Variants in DOCK4 observed in about 807,000 individuals in gnomAD.
DOCK4 encodes dedicator of cytokinesis 4.
Under a neutral mutation model 268.1 loss-of-function variants are expected in DOCK4, and 97 were observed. The ratio of observed to expected loss-of-function variants is 0.36; its 90% CI spans 0.31 to 0.43. The LOEUF is 0.43. Among genes scored for constraint, DOCK4 ranks in the 20% least tolerant of loss-of-function variants. DOCK4 has a pLI of 1.00. For synonymous variants in DOCK4, 954 were observed against 887.2 expected, an observed-to-expected ratio of 1.08 and a Z score of -1.34; for missense variants, 2,145 against 2,455.7, an observed-to-expected ratio of 0.87 and a Z score of 2.67.
At chr7:111,865,978 C>T (rs1280376106) in intron 22 of DOCK4, among the ~76,000 whole-genome samples, 1 of 152,228 alleles carries the variant, frequency 6.6e-6, no homozygotes, top group East Asian at 1.9e-4. Context: ...CATTTCCAGA[C>T]CTCCAGATAA....
At chr7:112,197,575 T>C (rs17159353) in intron 1 of DOCK4, among the ~76,000 whole-genome samples, 8,720 of 152,298 alleles carry the variant, frequency 0.057, 347 homozygotes, top group Admixed American at 0.12. Flanking sequence ...AAGAAAAGAC[T>C]GTAAAATGTA....
chr7:111,829,824 A>G (rs890044220), intron 26 of DOCK4, among the ~76,000 whole-genome samples: 2 of 152,196 alleles, frequency 1.3e-5, no homozygotes, highest in African/African-American at 4.8e-5. Flanking sequence ...AATTACTCTA[A>G]AAGTTTTTGC....
chr7:112,204,149 T>C (rs1282954309), intron 1 of DOCK4, among the ~76,000 whole-genome samples: 1 of 152,048 alleles, frequency 6.6e-6, no homozygotes, highest in Non-Finnish European at 1.5e-5. Flanking sequence ...TAATATCCGG[T>C]TTGCCATTCC....
At chr7:112,022,224 GGA>G (rs1315402231) in intron 1 of DOCK4, among the ~76,000 whole-genome samples, 1 of 152,174 alleles carries the variant, frequency 6.6e-6, no homozygotes, top group African/African-American at 2.4e-5. Flanking sequence ...ACCGCAGACT[GGA>G]TACCACTCTA....
At chr7:111,771,297 G>C (rs1360529892) in intron 36 of DOCK4, among the ~76,000 whole-genome samples, 1 of 152,194 alleles carries the variant, frequency 6.6e-6, no homozygotes, top group Non-Finnish European at 1.5e-5. Context: ...TGAGGCTCCA[G>C]TCCTCATAGT....
chr7:111,827,261 T>C (rs752057520), intron 26 of DOCK4, among the ~76,000 whole-genome samples: 2 of 152,190 alleles, frequency 1.3e-5, no homozygotes, highest in African/African-American at 2.4e-5. Flanking sequence ...CAAATGATCG[T>C]CCATCTTTTA....
intron 1 of DOCK4, among the ~76,000 whole-genome samples, chr7:112,144,169 G>A (rs1458235974): frequency 6.6e-6 from 1 of 152,028 alleles, no homozygotes; most frequent in African/African-American, 2.4e-5. Context: ...CCTTCCTCTA[G>A]TGACAGTATT....
chr7:111,814,177 G>A (rs1038572153), intron 27 of DOCK4, among the ~76,000 whole-genome samples: 2 of 152,216 alleles, frequency 1.3e-5, no homozygotes, highest in Non-Finnish European at 2.9e-5. Context: ...CCAAGGGAGA[G>A]AGAAGTTATT....
chr7:111,979,414 C>T (rs140996355), intron 7 of DOCK4, among the ~76,000 whole-genome samples: 2 of 151,806 alleles, frequency 1.3e-5, no homozygotes, highest in East Asian at 3.9e-4. Context: ...AATATTCTAA[C>T]TGTAGGAAAA....
At chr7:112,121,575 C>A (rs921667093) in intron 1 of DOCK4, among the ~76,000 whole-genome samples, 9 of 152,188 alleles carry the variant, frequency 5.9e-5, no homozygotes, top group African/African-American at 2.2e-4. Context: ...TTCCCACCTA[C>A]ATTATTTCAT....
intron 13 of DOCK4, among the ~76,000 whole-genome samples, chr7:111,914,159 G>C (rs142013170): frequency 6.6e-6 from 1 of 152,074 alleles, no homozygotes; most frequent in African/African-American, 2.4e-5. Flanking sequence ...GGGTTACAGC[G>C]TGTCTCTGCC....
At chr7:112,079,390 C>T (rs575825298) in intron 1 of DOCK4, among the ~76,000 whole-genome samples, 6 of 152,090 alleles carry the variant, frequency 3.9e-5, no homozygotes, top group Non-Finnish European at 7.4e-5. Flanking sequence ...AAAACTAGAA[C>T]GAAACAAAAC....
intron 1 of DOCK4, among the ~76,000 whole-genome samples, chr7:112,143,049 T>C (rs1458184327): frequency 6.6e-6 from 1 of 152,120 alleles, no homozygotes; most frequent in African/African-American, 2.4e-5. Context: ...TATAATTATG[T>C]AAAATGCTTA....
chr7:112,092,808 T>G (rs1313536130), intron 1 of DOCK4, among the ~76,000 whole-genome samples: 3 of 151,984 alleles, frequency 2.0e-5, no homozygotes, highest in Non-Finnish European at 4.4e-5. Flanking sequence ...CCTTCTTCCC[T>G]AAGAAGATGA....
chr7:111,859,259 C>G (rs1323586938), intron 23 of DOCK4, among the ~76,000 whole-genome samples: 3 of 152,192 alleles, frequency 2.0e-5, no homozygotes, highest in Non-Finnish European at 4.4e-5. Context: ...TGGACTTCCA[C>G]CCTGTGGACC....
chr7:112,074,262 C>T (rs1480620357), intron 1 of DOCK4, among the ~76,000 whole-genome samples: 2 of 152,128 alleles, frequency 1.3e-5, no homozygotes, highest in Admixed American at 6.5e-5. Context: ...TTTGCAGCAA[C>T]ATGAGCAAAT....
intron 1 of DOCK4, among the ~76,000 whole-genome samples, chr7:112,202,174 T>G (rs971465097): frequency 6.6e-6 from 1 of 152,340 alleles, no homozygotes; most frequent in Non-Finnish European, 1.5e-5. Flanking sequence ...TTCTTCAGCA[T>G]ACTGATTTCA....
chr7:111,852,216 G>C (rs1186634351), intron 23 of DOCK4, among the ~76,000 whole-genome samples: 1 of 151,974 alleles, frequency 6.6e-6, no homozygotes, highest in Non-Finnish European at 1.5e-5. Context: ...CATCCTTCTT[G>C]GCCTTCCAAA....
At chr7:112,109,783 C>G (rs1023405362) in intron 1 of DOCK4, among the ~76,000 whole-genome samples, 4 of 142,970 alleles carry the variant, frequency 2.8e-5, no homozygotes, top group Non-Finnish European at 4.5e-5. Flanking sequence ...CTCGCTCTGT[C>G]GCCCAGGCTG....
Sources: gnomAD v4.1 joint callset for allele counts (sites outside exome capture counted in the v4.1 genomes callset) on GRCh38, gnomAD v4.1.1 for gene constraint, MANE v1.5 for transcripts, NCBI Gene and HGNC (gene_info 2026-07-23, HGNC 2026-07-21) for gene names.